PLCE1: variants seen among roughly 807,000 people sequenced by gnomAD.
PLCE1 encodes the protein phospholipase C epsilon 1, also known as 1-phosphatidylinositol 4,5-bisphosphate phosphodiesterase epsilon-1.
PLCE1 carries 119 observed loss-of-function variants against 242.8 expected under a neutral mutation model. That is an observed-to-expected ratio of 0.49 (90% confidence interval 0.42 to 0.57). The LOEUF is 0.57. Among genes scored for constraint, PLCE1 ranks in the 20% least tolerant of loss-of-function variants. The pLI, the probability that PLCE1 is intolerant of heterozygous loss-of-function variation, is 0.00. For missense variants in PLCE1, 2,441 were observed against 2,788.8 expected (o/e 0.88, Z 2.81); for synonymous variants, 945 against 1,017.4 (o/e 0.93, Z 1.35).
chr10:94,204,215 T>C (rs1268058465), intron 4 of PLCE1, among the ~76,000 whole-genome samples: 1 of 152,058 alleles, frequency 6.6e-6, no homozygotes, highest in African/African-American at 2.4e-5. Context: ...GCAAAAAGGG[T>C]GATATGATAG....
intron 2 of PLCE1, among the ~76,000 whole-genome samples, chr10:94,117,056 A>T (rs2046154353): frequency 6.6e-6 from 1 of 152,170 alleles, no homozygotes; most frequent in Admixed American, 6.5e-5. Flanking sequence ...GAGTCATCTG[A>T]TATGGTCATC....
At chr10:94,288,112 A>G (rs931111247) in intron 22 of PLCE1, among the ~76,000 whole-genome samples, 2 of 152,064 alleles carry the variant, frequency 1.3e-5, no homozygotes, top group Admixed American at 6.6e-5. Context: ...TTAGTGGTAC[A>G]AGTAGTTTTT....
At chr10:94,314,990 A>T (rs756304774) in intron 28 of PLCE1, 11 of 155,344 alleles carry the variant, frequency 7.1e-5, no homozygotes, top group Non-Finnish European at 1.6e-4. Flanking sequence ...TTGTAAAGGA[A>T]AACTTACCAA....
At chr10:94,176,134 C>G (rs1287559546) in intron 4 of PLCE1, among the ~76,000 whole-genome samples, 1 of 152,160 alleles carries the variant, frequency 6.6e-6, no homozygotes, top group Non-Finnish European at 1.5e-5. Context: ...CATAGCAGCT[C>G]ATACCTATAA....
chr10:94,297,181 C>G (rs574387695), intron 23 of PLCE1, among the ~76,000 whole-genome samples: 12 of 152,108 alleles, frequency 7.9e-5, no homozygotes, highest in African/African-American at 2.6e-4. Flanking sequence ...CTTTTGATTT[C>G]AAGTGAGAAA....
chr10:94,190,917 T>C (rs2136602342), intron 4 of PLCE1, among the ~76,000 whole-genome samples: 1 of 152,320 alleles, frequency 6.6e-6, no homozygotes, highest in South Asian at 2.1e-4. Context: ...AGAATCTGTC[T>C]TCTAAGACAT....
In PLCE1 at chr10:94,234,331, A is replaced by G. The variant is rs2050246276; in HGVS notation, c.2214+19A>G. The G allele has an allele frequency of 2.5e-6, 4 of 1,612,860 alleles. No homozygotes were observed. The highest frequency in any genetic ancestry group is 2.2e-5 in the East Asian group (1 of 44,864). On this transcript the variant is annotated intron_variant, in intron 6 of 32. Transcript: ENST00000371380. ...TTTAGAGGTAAGGCCTTTCAGAATC[A>G]TCGTGGCCTGAAGAGCCACTGTTGC...
At chr10:94,147,148 A>T (rs2047138565) in intron 3 of PLCE1, among the ~76,000 whole-genome samples, 1 of 152,032 alleles carries the variant, frequency 6.6e-6, no homozygotes, top group African/African-American at 2.4e-5. Context: ...AGGGCCGGGC[A>T]TGGTGGCTTA....
intron 3 of PLCE1, chr10:94,137,778 A>G (rs1307656781): frequency 5.2e-6 from 1 of 192,366 alleles, no homozygotes; most frequent in Non-Finnish European, 1.1e-5. Context: ...GCCAGGAGGA[A>G]AGTCTGTTAC....
chr10:94,321,709 C>G (rs541871066), intron 29 of PLCE1, among the ~76,000 whole-genome samples, 192 bp from the exon 30 acceptor site: 152 of 151,112 alleles, frequency 1.0e-3, no homozygotes, highest in Middle Eastern at 3.5e-3. Flanking sequence ...ATCAGAAGCA[C>G]AGTAGTTTCC....
chr10:94,058,920 T>C (rs1400617484), intron 2 of PLCE1, among the ~76,000 whole-genome samples: 1 of 151,982 alleles, frequency 6.6e-6, no homozygotes, highest in Non-Finnish European at 1.5e-5. Context: ...TCAGGAGCAA[T>C]TGGATCATGA....
At chr10:94,175,485 T>G (rs555868310) in intron 4 of PLCE1, among the ~76,000 whole-genome samples, 2 of 152,300 alleles carry the variant, frequency 1.3e-5, no homozygotes, top group African/African-American at 4.8e-5. Flanking sequence ...GAGGATATTT[T>G]GGTACAGGCA....
At chr10:94,106,827 A>C (rs2045752382) in intron 2 of PLCE1, among the ~76,000 whole-genome samples, 1 of 150,644 alleles carries the variant, frequency 6.6e-6, no homozygotes, top group African/African-American at 2.4e-5. Context: ...CTCTTTTTGC[A>C]CAGTGAATGT....
At chr10:94,322,784 T>TA (rs573064111) in intron 30 of PLCE1, among the ~76,000 whole-genome samples, 4,030 of 139,918 alleles carry the variant, frequency 0.029, 68 homozygotes, top group African/African-American at 0.045. Flanking sequence ...AAACTTCGTC[T>TA]AAAAAAAAAA....
rs970947579 is a variant in PLCE1 at position 94,141,452 on chromosome 10, AGAGAGG to A, written c.1492+9009_1492+9014del. Among the ~76,000 whole-genome samples, 14 of 152,064 alleles carry A rather than the reference AGAGAGG, an allele frequency of 9.2e-5. 1 individual carries two copies. In the Middle Eastern group the frequency reaches 0.01, roughly 111 times the overall value. On this transcript the variant is annotated intron_variant, in intron 3 of 32. Coordinates refer to ENST00000371380, the MANE Select transcript of PLCE1 (RefSeq NM_016341.4). The stretch of plus-strand genomic sequence containing the variant: ...CATAAAGTTTTGACACCAAAAAGAG[AGAGAGG>A]GAGAGGGAGAGGGAGGAGAAGGAGA...
rs768081463 is a variant in PLCE1 at position 94,254,906 on chromosome 10, C to T, written c.3411C>T (p.Ile1137=). Residue 1137 remains isoleucine, a synonymous_variant, in exon 11 of 33, where the codon ATC becomes ATT. Transcript: ENST00000371380. ...NEQEESEVNA[I]ANPPNPLPSR... is the part of the protein sequence containing the mutation. ...TCATCCTCACAGAGGTGAATGCCATCGCTAACCCTCCAAACCCCCTCCCTT... is the reference window on the plus strand; with the variant it reads ...TCATCCTCACAGAGGTGAATGCCATTGCTAACCCTCCAAACCCCCTCCCTT... 6.2e-6 allele frequency: 10 copies of T among 1,613,914 alleles called. No individual in the cohort carries two copies. Among genetic ancestry groups the T allele is most frequent in the African/African-American group, 4.0e-5 (3 of 74,912 alleles).
intron 4 of PLCE1, among the ~76,000 whole-genome samples, chr10:94,176,185 GC>G (rs1406453841): frequency 6.6e-6 from 1 of 152,152 alleles, no homozygotes; most frequent in Non-Finnish European, 1.5e-5. Flanking sequence ...GATGGCCTGA[GC>G]CCAGGAGTTT....
chr10:94,141,624 C>G (rs71505722), intron 3 of PLCE1, among the ~76,000 whole-genome samples: 96,805 of 100,698 alleles, frequency 0.96, 46,539 homozygotes, highest in South Asian at 0.99. Flanking sequence ...GAAAGGAAGG[C>G]AGAAGGAGGA....
intron 4 of PLCE1, among the ~76,000 whole-genome samples, chr10:94,222,265 A>G (rs2049778427): frequency 6.6e-6 from 1 of 152,220 alleles, no homozygotes; most frequent in Admixed American, 6.5e-5. Context: ...GTCAAAGAGA[A>G]GTAGGAAGAA....
Sources: gnomAD v4.1 joint callset for allele counts (sites outside exome capture counted in the v4.1 genomes callset) on GRCh38, gnomAD v4.1.1 for gene constraint, MANE v1.5 for transcripts, NCBI Gene and HGNC (gene_info 2026-07-23, HGNC 2026-07-21) for gene names.